The following CTNNA2 variants were observed in gnomAD, a reference collection of about 807,000 sequenced individuals.
The protein encoded by CTNNA2 is catenin alpha-2.
In CTNNA2, 42 loss-of-function variants were observed where a neutral mutation model predicts 101.0. That is an observed-to-expected ratio of 0.42 (90% CI 0.32 to 0.54). The LOEUF is 0.54. CTNNA2 is among the 20% of genes least tolerant of loss of function. CTNNA2 has a pLI of 0.14. For synonymous variants in CTNNA2, 450 were observed against 456.4 expected, an observed-to-expected ratio of 0.99 and a Z score of 0.18; for missense variants, 871 against 1,223.1, an observed-to-expected ratio of 0.71 and a Z score of 4.29.
chr2:80,431,700 A>G (rs1375957051), intron 9 of CTNNA2, among the ~76,000 whole-genome samples: 1 of 152,138 alleles, frequency 6.6e-6, no homozygotes, highest in Non-Finnish European at 1.5e-5. Flanking sequence ...TACTCCCATA[A>G]CTTAGGTCTG....
At chr2:80,240,828 A>G (rs1251806694) in intron 7 of CTNNA2, among the ~76,000 whole-genome samples, 1 of 152,196 alleles carries the variant, frequency 6.6e-6, no homozygotes, top group African/African-American at 2.4e-5. Context: ...TTAACATATA[A>G]TGTAAAACAT....
chr2:80,067,306 A>G (rs941033708), intron 7 of CTNNA2, among the ~76,000 whole-genome samples: 2 of 152,194 alleles, frequency 1.3e-5, no homozygotes, highest in African/African-American at 4.8e-5. Context: ...CAATGTATAC[A>G]TATTTCAAAA....
At chr2:80,027,409 G>C (rs1265266790) in intron 7 of CTNNA2, among the ~76,000 whole-genome samples, 1 of 152,228 alleles carries the variant, frequency 6.6e-6, no homozygotes, top group Non-Finnish European at 1.5e-5. Context: ...ACTGTGGTTA[G>C]ACAGGTCTAC....
intron 7 of CTNNA2, among the ~76,000 whole-genome samples, chr2:80,038,809 A>G (rs1020870028): frequency 3.3e-5 from 5 of 152,208 alleles, no homozygotes; most frequent in African/African-American, 1.2e-4. Context: ...AGATTGTGCC[A>G]CTGCACTCCA....
intron 15 of CTNNA2, among the ~76,000 whole-genome samples, chr2:80,597,842 G>A (rs1455361387): frequency 1.3e-5 from 2 of 152,194 alleles, no homozygotes; most frequent in East Asian, 3.9e-4. Flanking sequence ...AGGCTGTGGT[G>A]AAATAGGAAT....
chr2:79,948,764 G>C lies in CTNNA2; in HGVS notation c.1056+38967G>C, dbSNP rs554060525. ...CGGGCGGATCACGAGGCCAGGAGAT[G>C]GACACCATCCTGGCTAACACGGGGA... On this transcript the variant is annotated intron_variant, in intron 7 of 18. Coordinates refer to ENST00000402739, the MANE Select transcript of CTNNA2 (RefSeq NM_001282597.3). 2.0e-5 allele frequency among the ~76,000 whole-genome samples: 3 copies of C among 152,148 alleles called. No individual in the cohort carries two copies. In the South Asian group the frequency reaches 6.2e-4, roughly 32 times the overall value.
chr2:79,755,225 A>G (rs1041776150), intron 3 of CTNNA2, among the ~76,000 whole-genome samples: 4 of 152,140 alleles, frequency 2.6e-5, no homozygotes, highest in African/African-American at 9.7e-5. Context: ...CAGCTACTCT[A>G]GAGACTGAGG....
At chr2:79,499,873 C>T (rs538748632) in intron 4 of CTNNA2, among the ~76,000 whole-genome samples, 1 of 152,282 alleles carries the variant, frequency 6.6e-6, no homozygotes, top group African/African-American at 2.4e-5. Context: ...AAGTAATTGA[C>T]TCGTGATTAT....
At chr2:80,551,555 C>A (rs1486273788) in intron 11 of CTNNA2, among the ~76,000 whole-genome samples, 4 of 152,206 alleles carry the variant, frequency 2.6e-5, no homozygotes, top group Non-Finnish European at 5.9e-5. Context: ...GTTTACCTTG[C>A]ACTTTTATGT....
chr2:79,345,454 A>C lies in CTNNA2; in HGVS notation c.-317-28377A>C, dbSNP rs573004778. ...CAGTGTGATTATTCATGGTCCCACCAAGGACAAAAATAACGCAAAGACAAT... is the reference window on the plus strand; with the variant it reads ...CAGTGTGATTATTCATGGTCCCACCCAGGACAAAAATAACGCAAAGACAAT... On this transcript the variant is annotated intron_variant, in intron 3 of 21. Coordinates refer to the CTNNA2 transcript ENST00000466387. 5.3e-5 allele frequency among the ~76,000 whole-genome samples: 8 copies of C among 152,300 alleles called. No homozygotes were observed. In the South Asian group the frequency reaches 1.2e-3, roughly 24 times the overall value.
chr2:79,974,380 C>T (rs1690694164), intron 7 of CTNNA2, among the ~76,000 whole-genome samples: 1 of 152,106 alleles, frequency 6.6e-6, no homozygotes, highest in Non-Finnish European at 1.5e-5. Flanking sequence ...AGGTTCAACA[C>T]GTTTCTTATT....
chr2:80,202,065 A>G (rs1185869118), intron 7 of CTNNA2, among the ~76,000 whole-genome samples: 1 of 152,124 alleles, frequency 6.6e-6, no homozygotes, highest in Non-Finnish European at 1.5e-5. Flanking sequence ...ACTAGCTTCA[A>G]CTGATGCTGC....
intron 7 of CTNNA2, among the ~76,000 whole-genome samples, chr2:80,347,670 T>C (rs1672866611): frequency 1.4e-5 from 2 of 140,522 alleles, no homozygotes; most frequent in Non-Finnish European, 3.0e-5. Context: ...TACTTAGCTG[T>C]TGACACTGGA....
chr2:79,469,496 A>G (rs1670975470), intron 4 of CTNNA2, among the ~76,000 whole-genome samples: 1 of 152,198 alleles, frequency 6.6e-6, no homozygotes, highest in Non-Finnish European at 1.5e-5. Flanking sequence ...TCCAATCAAT[A>G]GAAAAAGAGG....
chr2:80,005,261 G>C (rs1399298597), intron 7 of CTNNA2, among the ~76,000 whole-genome samples: 2 of 152,086 alleles, frequency 1.3e-5, no homozygotes, highest in African/African-American at 2.4e-5. Flanking sequence ...TCTGTGGAGG[G>C]GCAGATAGGG....
chr2:80,243,316 A>G (rs1671083995), intron 7 of CTNNA2, among the ~76,000 whole-genome samples: 1 of 152,124 alleles, frequency 6.6e-6, no homozygotes, highest in Admixed American at 6.5e-5. Context: ...TAAAATAAAC[A>G]ATTTGATAAG....
rs374802242 is a variant in CTNNA2, at chr2:80,337,148, G to A, written c.1057-56063G>A. Among the ~76,000 whole-genome samples the A allele has an allele frequency of 2.3e-3, 343 of 152,292 alleles. 1 individual carries two copies. The highest frequency in any genetic ancestry group is 7.8e-3 in the African/African-American group (326 of 41,572). On this transcript the variant is annotated intron_variant, in intron 7 of 18. Coordinates refer to ENST00000402739, the MANE Select transcript of CTNNA2 (RefSeq NM_001282597.3). ...AGGTGGGCAGATCACGAGGTCAGGAGATCGAGACCATCCTGGTTGACATGG... is the reference window on the plus strand; with the variant it reads ...AGGTGGGCAGATCACGAGGTCAGGAAATCGAGACCATCCTGGTTGACATGG...
intron 13 of CTNNA2, chr2:80,579,030 A>G (rs1296866371): frequency 6.6e-6 from 1 of 152,282 alleles, no homozygotes; most frequent in South Asian, 2.1e-4. Context: ...TGGGGCAGAA[A>G]GTGCATATAG....
intron 2 of CTNNA2, among the ~76,000 whole-genome samples, chr2:79,205,558 T>C (rs1674090071): frequency 1.3e-5 from 2 of 152,166 alleles, no homozygotes; most frequent in South Asian, 4.1e-4. Flanking sequence ...AGTATGCTGT[T>C]GCTATTTCTT....
Sources: gnomAD v4.1 joint callset for allele counts (sites outside exome capture counted in the v4.1 genomes callset) on GRCh38, gnomAD v4.1.1 for gene constraint, MANE v1.5 for transcripts, NCBI Gene and HGNC (gene_info 2026-07-23, HGNC 2026-07-21) for gene names.